Variants in CDK18 observed in about 807,000 individuals in gnomAD.
CDK18 encodes cyclin-dependent kinase 18.
Under a neutral mutation model 62.0 loss-of-function variants are expected in CDK18, and 52 were observed. That is an observed-to-expected ratio of 0.84 (90% CI 0.67 to 1.06). The LOEUF is 1.06. Among genes scored for constraint, CDK18 ranks in the 50% least tolerant of loss-of-function variants. The pLI, the probability that CDK18 is intolerant of heterozygous loss-of-function variation, is 0.00. For missense variants in CDK18, 604 were observed against 619.9 expected (o/e 0.97, Z 0.27); for synonymous variants, 237 against 247.0 (o/e 0.96, Z 0.38).
chr1:205,526,896 G>A, intron 8 of CDK18, 59 bp downstream of exon 8: 1 of 1,393,940 alleles, frequency 7.2e-7, no homozygotes, highest in Non-Finnish European at 1.0e-6. Flanking sequence ...GAAGCCCAGT[G>A]TGGGGACCCA....
chr1:205,523,369 C>T (rs774326622), intron 2 of CDK18, 72 bp downstream of exon 2: 1 of 1,604,084 alleles, frequency 6.2e-7, no homozygotes, highest in Admixed American at 1.7e-5. Flanking sequence ...CCCTCCCCGC[C>T]CACCCCCTCC....
At chr1:205,525,260 TCCCTAGTCGG>T (rs1668365697) in intron 5 of CDK18, 65 bp downstream of exon 5, 1 of 1,221,208 alleles carries the variant, frequency 8.2e-7, no homozygotes, top group East Asian at 2.4e-5. Context: ...GGGGCAGACC[TCCCTAGTCGG>T]CCCTCTCTGG....
At chr1:205,526,000 G>A (rs1164185591) in intron 5 of CDK18, 65 bp from the exon 6 acceptor site, 10 of 1,152,602 alleles carry the variant, frequency 8.7e-6, no homozygotes, top group African/African-American at 1.5e-5. Context: ...CACAAATGGG[G>A]AGGCACTGGA....
At chr1:205,521,945 G>A (rs1414097068) in intron 1 of CDK18, among the ~76,000 whole-genome samples, 1 of 152,202 alleles carries the variant, frequency 6.6e-6, no homozygotes, top group Non-Finnish European at 1.5e-5. Flanking sequence ...GCGGGTGCAG[G>A]GCGGCCCATC....
At chr1:205,529,475 C>G in intron 12 of CDK18, 46 bp downstream of exon 12, 1 of 1,610,090 alleles carries the variant, frequency 6.2e-7, no homozygotes, top group East Asian at 2.2e-5. Context: ...CCTGGCTCTC[C>G]CATCCCCAAT....
chr1:205,531,204 C>G, intron 15 of CDK18, 140 bp from the exon 16 acceptor site: 1 of 694,866 alleles, frequency 1.4e-6, no homozygotes, highest in Non-Finnish European at 2.5e-6. Context: ...GATTTGACAC[C>G]AGGTCAGACC....
Position 205,525,134 on chromosome 1 carries a change from C to G in CDK18, c.400-5C>G, listed in dbSNP as rs1156254205. 6.2e-7 allele frequency: 1 copy of G among 1,604,674 alleles called. No homozygotes were observed. Among genetic ancestry groups the G allele is most frequent in the South Asian group, 1.1e-5 (1 of 90,196 alleles). On this transcript the variant is annotated splice_region_variant and splice_polypyrimidine_tract_variant and intron_variant, in intron 4 of 15. Coordinates refer to ENST00000429964, the MANE Select transcript of CDK18 (RefSeq NM_212502.3). Reference sequence around the variant, plus strand: ...CTCACGGCATTCTATGTCTCTCCCTCTCAGTCAGACATTGGCTTTGGGAAA... The same window carrying G: ...CTCACGGCATTCTATGTCTCTCCCTGTCAGTCAGACATTGGCTTTGGGAAA...
intron 5 of CDK18, 63 bp downstream of exon 5, chr1:205,525,258 C>CTAGGGAGGT: frequency 2.4e-6 from 3 of 1,249,384 alleles, no homozygotes; most frequent in Non-Finnish European, 3.4e-6. Context: ...GAGGGGCAGA[C>CTAGGGAGGT]CTCCCTAGTC....
Position 205,523,505 on chromosome 1 carries a change from C to T in CDK18, c.153C>T (p.Gly51=), listed in dbSNP as rs1372427249. ...RNENLQLGPL[G]RDPPQECSTF... is the part of the protein sequence containing the mutation. ...TAGACTTGCAGCTCGGTCCTCTTGG[C>T]AGAGACCCCCCGCAGGAGTGCAGCA... Residue 51 remains glycine, a synonymous_variant, in exon 3 of 16, where the codon GGC becomes GGT. Coordinates refer to ENST00000429964, the MANE Select transcript of CDK18 (RefSeq NM_212502.3). The T allele has an allele frequency of 4.4e-6, 7 of 1,604,672 alleles. No homozygotes were observed. Among genetic ancestry groups the T allele is most frequent in the Non-Finnish European group, 6.0e-6 (7 of 1,176,188 alleles).
intron 1 of CDK18, among the ~76,000 whole-genome samples, chr1:205,519,410 C>T (rs1184308166): frequency 6.6e-6 from 1 of 151,126 alleles, no homozygotes; most frequent in Non-Finnish European, 1.5e-5. Flanking sequence ...CCACCCCCAC[C>T]GCCTGCTCCC....
At chr1:205,506,870 A>T (rs1338872441) in intron 1 of CDK18, among the ~76,000 whole-genome samples, 1 of 152,164 alleles carries the variant, frequency 6.6e-6, no homozygotes, top group Non-Finnish European at 1.5e-5. Context: ...AGATCTGAGG[A>T]GCAAATAGGT....
rs760450868 is a variant in CDK18 at position 205,523,586 on chromosome 1, G to A, written c.234G>A (p.Gln78=). 1 of 1,591,384 alleles carries A rather than the reference G, an allele frequency of 6.3e-7. No homozygotes were observed. The highest frequency in any genetic ancestry group is 8.6e-7 in the Non-Finnish European group (1 of 1,169,324). ...CGGGGCAGCTCTCCCCTGGCGTGCA[G>A]TTCCAGCGGCGGCAGAACCAGCGCC... The part of the protein sequence containing the change: ...EEPGQLSPGV[Q]FQRRQNQRRF... The change falls in exon 3 of 16, where the codon CAG becomes CAA. Residue 78 remains glutamine (Q), a synonymous_variant. Coordinates refer to ENST00000429964, the MANE Select transcript of CDK18 (RefSeq NM_212502.3).
Position 205,523,475 on chromosome 1 carries a change from C to G in CDK18, c.131-8C>G, listed in dbSNP as rs371344279. ...GCAGGGAGGGGAGCTGACGCCTGTC[C>G]CTCTTAGACTTGCAGCTCGGTCCTC... On this transcript the variant is annotated splice_region_variant and splice_polypyrimidine_tract_variant and intron_variant, in intron 2 of 15. Coordinates refer to ENST00000429964, the MANE Select transcript of CDK18 (RefSeq NM_212502.3). 9 of 1,599,728 alleles carry G rather than the reference C, an allele frequency of 5.6e-6. No homozygotes were observed. Among genetic ancestry groups the G allele is most frequent in the Non-Finnish European group, 7.7e-6 (9 of 1,173,722 alleles).
At chr1:205,530,034 T>G in intron 13 of CDK18, 1 of 1,416,250 alleles carries the variant, frequency 7.1e-7, no homozygotes, top group Non-Finnish European at 9.2e-7. Flanking sequence ...CTCCTGAAGT[T>G]TCATTTCTGG....
At chr1:205,508,246 C>G (rs1157112205) in intron 1 of CDK18, among the ~76,000 whole-genome samples, 1 of 152,266 alleles carries the variant, frequency 6.6e-6, no homozygotes. Flanking sequence ...GCCCTCCAGG[C>G]ATTCCCTGCT....
rs909454662 is a variant in CDK18 at position 205,507,655 on chromosome 1, A to T, written c.-22+2859A>T. Reference sequence around the variant, plus strand: ...TCTCAAAAAAAAAAAAAAAAAAAAAAAAAAAAAATAATGCACAGTGCCTGG... The same window carrying T: ...TCTCAAAAAAAAAAAAAAAAAAAAATAAAAAAAATAATGCACAGTGCCTGG... On this transcript the variant is annotated intron_variant, in intron 1 of 15. Transcript: ENST00000429964. Among the ~76,000 whole-genome samples, 12 of 151,616 alleles carry T rather than the reference A, an allele frequency of 7.9e-5. No individual in the cohort carries two copies. The East Asian group carries it at 1.5e-3, about 20-fold the overall frequency.
Position 205,528,294 on chromosome 1 carries a change from C to A in CDK18, c.974+126C>A. Reference sequence around the variant, plus strand: ...CTTCCTTTGCCTAAAAGCCTTGTGACATCCTGCTGAAATGGATGTTAAAAA... The same window carrying A: ...CTTCCTTTGCCTAAAAGCCTTGTGAAATCCTGCTGAAATGGATGTTAAAAA... On this transcript the variant is annotated intron_variant, in intron 10 of 15. Transcript: ENST00000429964. The surrounding 1 kb of genome is among the most constrained non-coding windows in gnomAD (Gnocchi z 4.2). 8.6e-7 allele frequency: 1 copy of A among 1,156,464 alleles called. No individual in the cohort carries two copies. The highest frequency in any genetic ancestry group is 1.2e-6 in the Non-Finnish European group (1 of 816,488). 71.6% of individuals were successfully genotyped at this position (1,156,464 alleles called of 1,614,324 possible). A position where few individuals can be genotyped will look rare whatever the true frequency, so the allele number is the denominator to read the frequency against.
chr1:205,529,118 C>A, intron 11 of CDK18, 22 bp downstream of exon 11: 1 of 1,547,544 alleles, frequency 6.5e-7, no homozygotes, highest in Non-Finnish European at 8.8e-7. Flanking sequence ...GCTGCTCCGT[C>A]CCTCTCACCA....
chr1:205,523,730 C>T lies in CDK18; in HGVS notation c.273+105C>T, dbSNP rs545788271. On this transcript the variant is annotated intron_variant, in intron 3 of 15. Coordinates refer to ENST00000429964, the MANE Select transcript of CDK18 (RefSeq NM_212502.3). ...AGCCAGACTTTGTGAGTTCAAATTCCACCTCTGCCATTCATTAGCTCTGTG... is the reference window on the plus strand; with the variant it reads ...AGCCAGACTTTGTGAGTTCAAATTCTACCTCTGCCATTCATTAGCTCTGTG... 3.3e-5 allele frequency: 45 copies of T among 1,379,512 alleles called. 1 individual carries two copies. The South Asian group carries it at 3.7e-4, about 11-fold the overall frequency. 85.5% of individuals were successfully genotyped at this position (1,379,512 alleles called of 1,614,324 possible).
Sources: gnomAD v4.1 joint callset for allele counts (sites outside exome capture counted in the v4.1 genomes callset) on GRCh38, gnomAD v4.1.1 for gene constraint, Gnocchi (gnomAD v3.1) non-coding constraint, MANE v1.5 for transcripts, NCBI Gene and HGNC (gene_info 2026-07-23, HGNC 2026-07-21) for gene names.